Variants in IQSEC1 observed in about 807,000 individuals in gnomAD.
IQSEC1 encodes IQ motif and Sec7 domain ArfGEF 1.
IQSEC1 carries 31 observed loss-of-function variants against 91.0 expected under a neutral mutation model. The observed-to-expected ratio is 0.34, with a 90% CI of 0.26 to 0.46. The LOEUF is 0.46. Ranked by LOEUF, IQSEC1 falls within the 20% of genes least tolerant of loss-of-function variation. The pLI is 1.00. For synonymous variants in IQSEC1, 699 were observed against 662.6 expected, an observed-to-expected ratio of 1.05 and a Z score of -0.84; for missense variants, 1,388 against 1,575.6, an observed-to-expected ratio of 0.88 and a Z score of 2.02.
In IQSEC1 at chr3:13,199,265, C is replaced by T. The variant is rs140264027; in HGVS notation, c.273-35132G>A. ...GCTTTGTGGAGGTGGCCGCACCTGG[C>T]CCCTTCTCTAGGAGCCAACACATTT... On this transcript the variant is annotated intron_variant, in intron 1 of 15. Coordinates refer to the IQSEC1 transcript ENST00000648114. Among the ~76,000 whole-genome samples the T allele has an allele frequency of 3.1e-3, 468 of 152,314 alleles. 7 individuals carry two copies. Among genetic ancestry groups the T allele is most frequent in the African/African-American group, 0.011 (454 of 41,562 alleles).
chr3:12,897,801 AG>A lies in IQSEC1; in HGVS notation c.*3181del. The A allele has an allele frequency of 6.6e-6, 1 of 152,318 alleles. No individual in the cohort carries two copies. The highest frequency in any genetic ancestry group is 2.4e-5 in the African/African-American group (1 of 41,562). 9.4% of individuals were successfully genotyped at this position (152,318 alleles called of 1,614,324 possible). A position where few individuals can be genotyped will look rare whatever the true frequency, so the allele number is the denominator to read the frequency against. ...TTTTCAGCTCATTAAGAAAAACAAG[AG>A]GCTCCTGCTGCATGCAGTGTGTGAG... On this transcript the variant is annotated 3_prime_UTR_variant, in exon 14 of 14. Coordinates refer to ENST00000613206, the MANE Select transcript of IQSEC1 (RefSeq NM_001134382.3).
At chr3:13,140,133 G>T (rs141731045) in intron 2 of IQSEC1, among the ~76,000 whole-genome samples, 1 of 151,972 alleles carries the variant, frequency 6.6e-6, no homozygotes, top group African/African-American at 2.4e-5. Context: ...CTTCCAACCC[G>T]CTCAGACACT....
intron 1 of IQSEC1, among the ~76,000 whole-genome samples, chr3:12,998,108 G>A (rs1362222651): frequency 1.3e-5 from 2 of 152,216 alleles, no homozygotes; most frequent in Admixed American, 1.3e-4. Flanking sequence ...CCAGCACTTT[G>A]GGAGGCCAAG....
At chr3:13,243,801 G>A (rs886726724) in intron 1 of IQSEC1, among the ~76,000 whole-genome samples, 2 of 152,318 alleles carry the variant, frequency 1.3e-5, no homozygotes, top group Non-Finnish European at 2.9e-5. Context: ...TTCTAGGGGG[G>A]CGTATGGCAG....
chr3:13,063,731 T>G (rs112581325), intron 1 of IQSEC1, among the ~76,000 whole-genome samples: 2,405 of 152,260 alleles, frequency 0.016, 47 homozygotes, highest in African/African-American at 0.052. Context: ...GGGACTTGTG[T>G]TTCCTTTCTG....
chr3:12,995,051 C>T (rs560025943), intron 1 of IQSEC1: 2 of 152,388 alleles, frequency 1.3e-5, no homozygotes, highest in Non-Finnish European at 2.9e-5. Flanking sequence ...AACGCCGGGC[C>T]GGGAGCGGCG....
At chr3:13,119,472 C>T (rs181610416) in intron 2 of IQSEC1, among the ~76,000 whole-genome samples, 25 of 152,362 alleles carry the variant, frequency 1.6e-4, no homozygotes, top group Admixed American at 9.1e-4. Context: ...GACCTGATAC[C>T]GTCTGCATGC....
rs1206020733 is a variant in IQSEC1, at chr3:13,137,598, T to C, written c.302+26506A>G. The stretch of plus-strand genomic sequence containing the variant: ...GTCGCAAACACACGGGTGCAAATCA[T>C]TGGGAATGTTCCCCTTCTGGAGTTA... On this transcript the variant is annotated intron_variant, in intron 2 of 15. Transcript: ENST00000648114. 3.9e-5 allele frequency among the ~76,000 whole-genome samples: 6 copies of C among 152,210 alleles called. No individual in the cohort carries two copies. In the East Asian group the frequency reaches 5.8e-4, roughly 15 times the overall value.
chr3:13,148,951 G>A (rs886691306), intron 2 of IQSEC1, among the ~76,000 whole-genome samples: 4 of 152,256 alleles, frequency 2.6e-5, no homozygotes, highest in African/African-American at 7.2e-5. Context: ...AGAGGTGGCC[G>A]AGGCTCGGAC....
chr3:13,022,195 G>T (rs532149277), intron 1 of IQSEC1: 4 of 1,230,880 alleles, frequency 3.2e-6, no homozygotes, highest in Non-Finnish European at 4.1e-6. Flanking sequence ...CTCTCTTCAC[G>T]GATTTTCAGG....
Position 12,967,926 on chromosome 3 carries a change from T to C in IQSEC1, c.24-26061A>G, listed in dbSNP as rs1700706951. Among the ~76,000 whole-genome samples the C allele has an allele frequency of 7.3e-6, 1 of 136,456 alleles. No homozygotes were observed. Among genetic ancestry groups the C allele is most frequent in the Non-Finnish European group, 1.6e-5 (1 of 60,818 alleles). 89.5% of individuals were successfully genotyped at this position (136,456 alleles called of 152,430 possible). On this transcript the variant is annotated intron_variant, in intron 1 of 13. Coordinates refer to ENST00000613206, the MANE Select transcript of IQSEC1 (RefSeq NM_001134382.3). The surrounding 1 kb of genome is among the most constrained non-coding windows in gnomAD (Gnocchi z 5.9). ...AGGGGCGGGGCGTCAGGGGCGGGGCTACGCGCAGGGGCGGGGCCGAGCCGA... is the reference window on the plus strand; with the variant it reads ...AGGGGCGGGGCGTCAGGGGCGGGGCCACGCGCAGGGGCGGGGCCGAGCCGA...
chr3:12,983,815 G>A lies in IQSEC1; in HGVS notation c.24-41950C>T, dbSNP rs1302491836. ...CACTTATGCCCAGCCTCAGCACGGC[G>A]CCTGGCACAACTAGCTGCTGGATAA... is the stretch of plus-strand genomic sequence containing the variant. On this transcript the variant is annotated intron_variant, in intron 1 of 13. Transcript: ENST00000613206. The surrounding 1 kb of genome is among the most constrained non-coding windows in gnomAD (Gnocchi z 4.3). Among the ~76,000 whole-genome samples the A allele has an allele frequency of 1.3e-5, 2 of 152,146 alleles. No homozygotes were observed. Among genetic ancestry groups the A allele is most frequent in the Non-Finnish European group, 2.9e-5 (2 of 68,022 alleles).
At chr3:12,993,259 T>A (rs1702071170) in intron 1 of IQSEC1, among the ~76,000 whole-genome samples, 1 of 152,166 alleles carries the variant, frequency 6.6e-6, no homozygotes. Context: ...CAGGAGGGGC[T>A]GCCCAAGGTC....
At chr3:12,984,574 T>TG (rs1701630753) in intron 1 of IQSEC1, among the ~76,000 whole-genome samples, 1 of 152,118 alleles carries the variant, frequency 6.6e-6, no homozygotes, top group African/African-American at 2.4e-5. Flanking sequence ...CTGCTCCTCC[T>TG]TTCAGGGGGC....
rs551499828 is a variant in IQSEC1 at position 13,180,021 on chromosome 3, G to A, written c.273-15888C>T. On this transcript the variant is annotated intron_variant, in intron 1 of 15. Transcript: ENST00000648114. ...ACCCCCTCTCCGTGGGCTCCTGTGAGGCCTGAGCCTCCCCGACGAGCACCG... is the reference window on the plus strand; with the variant it reads ...ACCCCCTCTCCGTGGGCTCCTGTGAAGCCTGAGCCTCCCCGACGAGCACCG... Among the ~76,000 whole-genome samples, 5 of 152,296 alleles carry A rather than the reference G, an allele frequency of 3.3e-5. No homozygotes were observed. The South Asian group carries it at 8.3e-4, about 25-fold the overall frequency.
chr3:13,071,814 C>A, intron 1 of IQSEC1, among the ~76,000 whole-genome samples: 1 of 149,074 alleles, frequency 6.7e-6, no homozygotes, highest in Non-Finnish European at 1.5e-5. Context: ...ACTGCCATCC[C>A]CCAAACCAGA....
chr3:13,139,628 GT>G (rs1435605460), intron 2 of IQSEC1, among the ~76,000 whole-genome samples: 1 of 152,148 alleles, frequency 6.6e-6, no homozygotes, highest in Non-Finnish European at 1.5e-5. Context: ...CCTTTTATTC[GT>G]TTTATGAAAA....
intron 1 of IQSEC1, among the ~76,000 whole-genome samples, chr3:13,049,894 C>T (rs988376021): frequency 1.3e-5 from 2 of 152,212 alleles, no homozygotes; most frequent in Non-Finnish European, 2.9e-5. Flanking sequence ...TACTCTCTCT[C>T]CAACCAGACA....
At chr3:13,181,269 TCAAA>T (rs139859471) in intron 1 of IQSEC1, among the ~76,000 whole-genome samples, 1,138 of 18,442 alleles carry the variant, frequency 0.062, 7 homozygotes, top group South Asian at 0.21. Flanking sequence ...AGACTCCGTC[TCAAA>T]CAAACAAACA....
Sources: allele counts gnomAD v4.1 joint callset (sites outside exome capture counted in the v4.1 genomes callset), GRCh38; gene constraint gnomAD v4.1.1; non-coding constraint Gnocchi (gnomAD v3.1); transcripts MANE v1.5; gene names NCBI Gene and HGNC (gene_info 2026-07-23, HGNC 2026-07-21).